Variants in PRELID2 observed in about 807,000 individuals in gnomAD.
PRELID2 encodes the protein PRELI domain containing 2.
In PRELID2, 25 loss-of-function variants were observed where a neutral mutation model predicts 28.4. That is an observed-to-expected ratio of 0.88 (90% confidence interval 0.64 to 1.23). The LOEUF is 1.23. Among genes scored for constraint, PRELID2 ranks in the 50% most tolerant of loss-of-function variants. The probability of loss-of-function intolerance (pLI) is 0.00; values close to 1 mark genes in which losing one functional copy is unlikely to be tolerated. For synonymous variants in PRELID2, 76 were observed against 71.6 expected (o/e 1.06, Z -0.31); for missense variants, 201 against 214.4 (o/e 0.94, Z 0.39).
intron 1 of PRELID2, among the ~76,000 whole-genome samples, chr5:145,701,936 A>G (rs1427581806): frequency 6.6e-6 from 1 of 152,078 alleles, no homozygotes; most frequent in African/African-American, 2.4e-5. Context: ...CTGTAATCCC[A>G]GGTACTCGGG....
At chr5:145,533,090 G>T (rs922386286) in intron 1 of PRELID2, among the ~76,000 whole-genome samples, 2 of 151,928 alleles carry the variant, frequency 1.3e-5, no homozygotes, top group African/African-American at 4.8e-5. Context: ...AATGGGTCTT[G>T]ACCACATGGT....
intron 1 of PRELID2, among the ~76,000 whole-genome samples, chr5:145,536,368 A>G (rs1752698596): frequency 6.6e-6 from 1 of 151,978 alleles, no homozygotes; most frequent in Non-Finnish European, 1.5e-5. Flanking sequence ...ATCACTGCTG[A>G]AGAATCTAAA....
chr5:145,577,283 C>T (rs1753069025), intron 1 of PRELID2, among the ~76,000 whole-genome samples: 1 of 152,070 alleles, frequency 6.6e-6, no homozygotes, highest in African/African-American at 2.4e-5. Flanking sequence ...CATGAACTAC[C>T]TAGCAAATAA....
At chr5:145,800,277 C>T (rs1753040521) in intron 4 of PRELID2, among the ~76,000 whole-genome samples, 1 of 148,396 alleles carries the variant, frequency 6.7e-6, no homozygotes, top group African/African-American at 2.5e-5. Context: ...CTCCCTCTCC[C>T]CCTTCCCTTT....
At chr5:145,423,564 C>T in the PRELID2 span, among the ~76,000 whole-genome samples, 5 of 146,704 alleles carry the variant, frequency 3.4e-5, no homozygotes, top group Admixed American at 1.4e-4. Context: ...ACGTAGTTCT[C>T]GAGCCTTGGT....
intron 3 of PRELID2, 123 bp from the exon 4 acceptor site, chr5:145,818,177 T>C (rs1001104650): frequency 1.7e-5 from 17 of 983,048 alleles, no homozygotes; most frequent in Admixed American, 5.1e-5. Flanking sequence ...ACATGGATGA[T>C]GGCTCACCAG....
At chr5:145,359,425 G>C in the PRELID2 span, among the ~76,000 whole-genome samples, 1 of 152,146 alleles carries the variant, frequency 6.6e-6, no homozygotes, top group Non-Finnish European at 1.5e-5. Flanking sequence ...GGCTATTTAG[G>C]AAGACTGTTT....
intron 1 of PRELID2, among the ~76,000 whole-genome samples, chr5:145,638,828 A>G (rs2149662645): frequency 6.6e-6 from 1 of 152,382 alleles, no homozygotes; most frequent in African/African-American, 2.4e-5. Context: ...CAAGAAGCAG[A>G]GAAGAAAAAT....
chr5:145,782,486 C>T (rs1450120714), intron 5 of PRELID2, among the ~76,000 whole-genome samples: 1 of 152,210 alleles, frequency 6.6e-6, no homozygotes, highest in Non-Finnish European at 1.5e-5. Context: ...TAGCACTTGG[C>T]TCATGGTAAA....
chr5:145,246,487 T>C, the PRELID2 span, among the ~76,000 whole-genome samples: 1 of 152,136 alleles, frequency 6.6e-6, no homozygotes, highest in Non-Finnish European at 1.5e-5. Context: ...GGTATATTAA[T>C]AGGTATTCTA....
chr5:145,575,535 T>C (rs1450821218), intron 1 of PRELID2, among the ~76,000 whole-genome samples: 2 of 152,302 alleles, frequency 1.3e-5, no homozygotes, highest in East Asian at 1.9e-4. Flanking sequence ...GACCTTTCTA[T>C]AGTTTCCTCT....
chr5:145,457,786 A>G, the PRELID2 span, among the ~76,000 whole-genome samples: 1 of 152,198 alleles, frequency 6.6e-6, no homozygotes, highest in Non-Finnish European at 1.5e-5. Context: ...TGTCATGGAC[A>G]TGCCCCTTAA....
At chr5:145,630,858 G>A (rs1014268530) in intron 1 of PRELID2, among the ~76,000 whole-genome samples, 1 of 152,162 alleles carries the variant, frequency 6.6e-6, no homozygotes, top group African/African-American at 2.4e-5. Flanking sequence ...CTAGAATTCT[G>A]CAGTCTAACA....
chr5:145,717,238 T>C (rs1365464512), intron 1 of PRELID2, among the ~76,000 whole-genome samples: 1 of 152,054 alleles, frequency 6.6e-6, no homozygotes, highest in Non-Finnish European at 1.5e-5. Context: ...AGAAAGTAGA[T>C]TAATGGTTGA....
At chr5:145,268,934 A>G in the PRELID2 span, among the ~76,000 whole-genome samples, 1 of 152,236 alleles carries the variant, frequency 6.6e-6, no homozygotes, top group African/African-American at 2.4e-5. Flanking sequence ...ATTGTTTGTG[A>G]TATTATCCAA....
the PRELID2 span, among the ~76,000 whole-genome samples, chr5:145,453,786 A>T: frequency 1.3e-5 from 2 of 152,166 alleles, no homozygotes; most frequent in East Asian, 3.9e-4. Context: ...CCTGCAAAGG[A>T]CATGAACTCA....
At chr5:145,380,968 C>T in the PRELID2 span, among the ~76,000 whole-genome samples, 1 of 152,074 alleles carries the variant, frequency 6.6e-6, no homozygotes, top group East Asian at 1.9e-4. Flanking sequence ...ACATTAGTTC[C>T]ATGGAACATA....
At position 145,824,464 on chromosome 5, in the gene PRELID2, GA is replaced by G. The variant is rs1490968869; in HGVS notation, c.76-1331del. The stretch of plus-strand genomic sequence containing the variant: ...TGTGTGTGTGTGTGTGTGTGTGTGT[GA>G]TATTGATTTATTAATGGATTTTTCA... On this transcript the variant is annotated intron_variant, in intron 1 of 6. Transcript: ENST00000683046. Among the ~76,000 whole-genome samples, 263 of 44,618 alleles carry G rather than the reference GA, an allele frequency of 5.9e-3. 2 individuals carry two copies. In the Middle Eastern group the frequency reaches 0.1, roughly 17 times the overall value. 29.3% of individuals were successfully genotyped at this position (44,618 alleles called of 152,430 possible).
chr5:145,444,673 C>G, the PRELID2 span, among the ~76,000 whole-genome samples: 6 of 151,978 alleles, frequency 3.9e-5, no homozygotes, highest in Non-Finnish European at 8.8e-5. Flanking sequence ...AACTCAAAGA[C>G]ACACAGATAT....
Sources: gnomAD v4.1 joint callset for allele counts (sites outside exome capture counted in the v4.1 genomes callset) on GRCh38, gnomAD v4.1.1 for gene constraint, MANE v1.5 for transcripts, NCBI Gene and HGNC (gene_info 2026-07-23, HGNC 2026-07-21) for gene names.